LAMA2: variants seen among roughly 807,000 people sequenced by gnomAD.
LAMA2 encodes laminin subunit alpha-2.
A neutral mutation model predicts 364.8 loss-of-function variants in LAMA2; 269 were observed. The observed-to-expected ratio is 0.74, with a 90% CI of 0.67 to 0.82. LAMA2 has a LOEUF of 0.82. Among genes scored for constraint, LAMA2 ranks in the 40% least tolerant of loss-of-function variants. The pLI, the probability that LAMA2 is intolerant of heterozygous loss-of-function variation, is 0.00. For missense variants in LAMA2, 3,807 were observed against 3,873.2 expected (o/e 0.98, Z 0.45); for synonymous variants, 1,379 against 1,370.6 (o/e 1.01, Z -0.14).
chr6:129,458,684 G>T (rs1783093408), intron 48 of LAMA2, among the ~76,000 whole-genome samples: 1 of 152,068 alleles, frequency 6.6e-6, no homozygotes, highest in Admixed American at 6.6e-5. Flanking sequence ...TTTCTATGCG[G>T]CTGTGCAATA....
intron 3 of LAMA2, among the ~76,000 whole-genome samples, chr6:129,089,283 A>T (rs1774654955): frequency 6.6e-6 from 1 of 152,240 alleles, no homozygotes; most frequent in Non-Finnish European, 1.5e-5. Context: ...CCATCACTAC[A>T]AATCTTTGCT....
Position 129,312,903 on chromosome 6 carries a change from A to G in LAMA2, c.3217A>G (p.Asn1073Asp), listed in dbSNP as rs777383587. 10 of 1,614,082 alleles carry G rather than the reference A, an allele frequency of 6.2e-6. No homozygotes were observed. The highest frequency in any genetic ancestry group is 1.6e-4 in the Middle Eastern group (1 of 6,084). The change falls in exon 23 of 65, where the codon AAT (asparagine) becomes GAT (aspartate). Residue 1073 changes from asparagine (N) to aspartate (D), a missense_variant. Transcript: ENST00000421865. ...STVGSLDFQCNVNTGQCNCHP... is the reference protein window; with the variant it reads ...STVGSLDFQCDVNTGQCNCHP... Reference sequence around the variant, plus strand: ...AGTGGGATCCTTGGATTTCCAATGCAATGTAAATACAGGCCAATGCAACTG... The same window carrying G: ...AGTGGGATCCTTGGATTTCCAATGCGATGTAAATACAGGCCAATGCAACTG...
chr6:129,505,393 G>A (rs749615068), intron 61 of LAMA2, 38 bp downstream of exon 61: 6 of 1,533,206 alleles, frequency 3.9e-6, no homozygotes, highest in Non-Finnish European at 5.4e-6. Context: ...TTAAATATAT[G>A]GCTGATTCAT....
rs150604559 is a variant in LAMA2 at position 129,265,286 on chromosome 6, A to T, written c.2209-1820A>T. ...CAGCTTTAATTTTTTTCTGTGAGTA[A>T]TAAGTTAAAATCACTGGCTAAAAGA... is the stretch of plus-strand genomic sequence containing the variant. On this transcript the variant is annotated intron_variant, in intron 15 of 64. Coordinates refer to ENST00000421865, the MANE Select transcript of LAMA2 (RefSeq NM_000426.4). Among the ~76,000 whole-genome samples the T allele has an allele frequency of 2.0e-5, 3 of 152,290 alleles. No homozygotes were observed. The East Asian group carries it at 5.8e-4, about 29-fold the overall frequency.
chr6:129,325,130 C>T (rs1410364052), intron 28 of LAMA2, among the ~76,000 whole-genome samples: 1 of 152,206 alleles, frequency 6.6e-6, no homozygotes, highest in Non-Finnish European at 1.5e-5. Context: ...ATTCTCTCCT[C>T]TCTACCCTCC....
intron 40 of LAMA2, among the ~76,000 whole-genome samples, chr6:129,419,734 A>G (rs942300284): frequency 6.6e-6 from 1 of 152,138 alleles, no homozygotes; most frequent in African/African-American, 2.4e-5. Context: ...GTCTCCTTTG[A>G]GTGCTCAGCT....
intron 22 of LAMA2, among the ~76,000 whole-genome samples, chr6:129,309,257 G>C (rs925166291): frequency 2.0e-5 from 3 of 152,184 alleles, no homozygotes; most frequent in African/African-American, 7.2e-5. Flanking sequence ...GGGGAATAGT[G>C]AGTAAATTCT....
chr6:129,268,083 C>G (rs745903122), intron 16 of LAMA2, among the ~76,000 whole-genome samples: 1 of 152,060 alleles, frequency 6.6e-6, no homozygotes, highest in Non-Finnish European at 1.5e-5. Flanking sequence ...TCATTTTCCC[C>G]CATTTCTCTT....
chr6:129,516,459 GAATT>G lies in LAMA2; in HGVS notation c.*113_*116del, dbSNP rs1469560370. ...TTAAACTAATTTGTGCATGTACATA[GAATT>G]CTTTCTGTATTCAGATGGTGCTAAT... On this transcript the variant is annotated 3_prime_UTR_variant, in exon 65 of 65. Transcript: ENST00000421865. The G allele has an allele frequency of 9.0e-7, 1 of 1,112,224 alleles. No homozygotes were observed. The highest frequency in any genetic ancestry group is 2.0e-5 in the Admixed American group (1 of 50,256). 68.9% of individuals were successfully genotyped at this position (1,112,224 alleles called of 1,614,324 possible).
chr6:128,893,022 C>T lies in LAMA2; in HGVS notation c.112+9665C>T, dbSNP rs376525441. Among the ~76,000 whole-genome samples the T allele has an allele frequency of 2.0e-5, 3 of 152,002 alleles. No homozygotes were observed. The South Asian group carries it at 6.2e-4, about 32-fold the overall frequency. ...ATCAAAAAGTTTCAATCTTGCCTAACACATAATGTGCAAATATTCATTTTT... is the reference window on the plus strand; with the variant it reads ...ATCAAAAAGTTTCAATCTTGCCTAATACATAATGTGCAAATATTCATTTTT... On this transcript the variant is annotated intron_variant, in intron 1 of 64. Coordinates refer to ENST00000421865, the MANE Select transcript of LAMA2 (RefSeq NM_000426.4).
At chr6:129,126,246 C>T (rs563408204) in intron 4 of LAMA2, among the ~76,000 whole-genome samples, 245 of 152,280 alleles carry the variant, frequency 1.6e-3, no homozygotes, top group African/African-American at 5.6e-3. Context: ...CTAAAATGTC[C>T]TTCCAGCTTG....
At chr6:129,115,117 C>T (rs1776393803) in intron 4 of LAMA2, among the ~76,000 whole-genome samples, 1 of 151,924 alleles carries the variant, frequency 6.6e-6, no homozygotes, top group Non-Finnish European at 1.5e-5. Flanking sequence ...CCAAAAACAA[C>T]ACAGAAGCAA....
chr6:129,041,649 T>G (rs927268711), intron 1 of LAMA2, among the ~76,000 whole-genome samples: 2 of 152,214 alleles, frequency 1.3e-5, no homozygotes, highest in Admixed American at 6.5e-5. Context: ...TTTGAAAATT[T>G]TCATGCACTT....
chr6:128,936,509 C>T (rs1472179419), intron 1 of LAMA2, among the ~76,000 whole-genome samples: 1 of 152,000 alleles, frequency 6.6e-6, no homozygotes, highest in Non-Finnish European at 1.5e-5. Context: ...ATTCCAGGAC[C>T]CCCAGAGTAT....
At chr6:129,409,378 C>T (rs912932106) in intron 40 of LAMA2, among the ~76,000 whole-genome samples, 14 of 152,152 alleles carry the variant, frequency 9.2e-5, no homozygotes, top group Non-Finnish European at 1.0e-4. Flanking sequence ...AGGCCATGGG[C>T]GTTTGAGCCA....
chr6:129,205,543 A>G (rs1227203911), intron 12 of LAMA2, among the ~76,000 whole-genome samples: 1 of 146,472 alleles, frequency 6.8e-6, no homozygotes, highest in African/African-American at 2.6e-5. Flanking sequence ...CGTGTGTGAA[A>G]TGACATATAT....
At chr6:129,157,590 C>T in intron 8 of LAMA2, 1 of 1,613,154 alleles carries the variant, frequency 6.2e-7, no homozygotes, top group African/African-American at 1.3e-5. Flanking sequence ...CGCTGTGAGT[C>T]TGGGGGCTGG....
chr6:129,177,995 G>C (rs1780712262), intron 10 of LAMA2, 129 bp downstream of exon 10: 2 of 944,920 alleles, frequency 2.1e-6, no homozygotes, highest in South Asian at 2.8e-5. Context: ...TATTCTACGT[G>C]TGGTGACCCA....
At chr6:129,249,510 A>G (rs751857098) in intron 12 of LAMA2, among the ~76,000 whole-genome samples, 19 of 152,218 alleles carry the variant, frequency 1.2e-4, no homozygotes, top group Non-Finnish European at 2.5e-4. Context: ...AGAGGATAAT[A>G]TTTATTCAAA....
Sources: allele counts gnomAD v4.1 joint callset (sites outside exome capture counted in the v4.1 genomes callset), GRCh38; gene constraint gnomAD v4.1.1; transcripts MANE v1.5; gene names NCBI Gene and HGNC (gene_info 2026-07-23, HGNC 2026-07-21).